Variants in CREM observed in about 807,000 individuals in gnomAD.
The protein encoded by CREM is cAMP-responsive element modulator.
A neutral mutation model predicts 37.3 loss-of-function variants in CREM; 13 were observed. That is an observed-to-expected ratio of 0.35 (90% confidence interval 0.23 to 0.55). CREM has a LOEUF of 0.55. Ranked by LOEUF, CREM falls within the 20% of genes least tolerant of loss-of-function variation. The pLI is 0.88. For missense variants in CREM, 296 were observed against 362.3 expected (o/e 0.82, Z 1.49); for synonymous variants, 124 against 120.2 (o/e 1.03, Z -0.21).
intron 6 of CREM, chr10:35,201,587 A>G: frequency 1.4e-6 from 2 of 1,423,700 alleles, no homozygotes; most frequent in South Asian, 1.3e-5. Context: ...GTTAATGACC[A>G]AAATTGAGAG....
chr10:35,196,682 C>T (rs1464222084), intron 6 of CREM: 1 of 152,152 alleles, frequency 6.6e-6, no homozygotes, highest in Non-Finnish European at 1.5e-5. Flanking sequence ...AACTTAAAAT[C>T]ATCTCAAACA....
At chr10:35,149,939 C>CACACACACACACACACACACACACACA (rs1554890903) in intron 3 of CREM, among the ~76,000 whole-genome samples, 1 of 145,154 alleles carries the variant, frequency 6.9e-6, no homozygotes, top group Non-Finnish European at 1.5e-5. Flanking sequence ...CACACACACA[C>CACACACACACACACACACACACACACA]CCTTGTTAAA....
At chr10:35,193,379 T>A (rs772202467) in intron 6 of CREM, among the ~76,000 whole-genome samples, 1 of 152,318 alleles carries the variant, frequency 6.6e-6, no homozygotes, top group African/African-American at 2.4e-5. Flanking sequence ...CTTGCCTTTT[T>A]TTTCACACCA....
intron 5 of CREM, among the ~76,000 whole-genome samples, chr10:35,185,646 T>C (rs2094526932): frequency 6.6e-6 from 1 of 152,230 alleles, no homozygotes; most frequent in African/African-American, 2.4e-5. Context: ...GGCTGAATCC[T>C]GAGACCCATG....
At chr10:35,133,308 ATTTT>A (rs34244298) in intron 1 of CREM, among the ~76,000 whole-genome samples, 3 of 143,272 alleles carry the variant, frequency 2.1e-5, no homozygotes, top group Non-Finnish European at 3.1e-5. Flanking sequence ...CCAAAAGCAG[ATTTT>A]TTTTTTTTTT....
At position 35,211,434 on chromosome 10, in the gene CREM, G is replaced by A; in HGVS notation, c.*36G>A. On this transcript the variant is annotated 3_prime_UTR_variant, in exon 8 of 8. Transcript: ENST00000685392. Reference sequence around the variant, plus strand: ...CTTGGACCTTGTTTACTCTAATCAAGGCAGGAGATGCAGCAGTCCTACTTA... The same window carrying A: ...CTTGGACCTTGTTTACTCTAATCAAAGCAGGAGATGCAGCAGTCCTACTTA... The A allele has an allele frequency of 6.2e-7, 1 of 1,600,762 alleles. No homozygotes were observed. Among genetic ancestry groups the A allele is most frequent in the Non-Finnish European group, 8.5e-7 (1 of 1,173,320 alleles).
intron 3 of CREM, among the ~76,000 whole-genome samples, chr10:35,162,912 C>A (rs1280326586): frequency 6.6e-6 from 1 of 152,046 alleles, no homozygotes; most frequent in Admixed American, 6.6e-5. Flanking sequence ...AAATCAAATA[C>A]AAAATAATAA....
chr10:35,147,483 A>G lies in CREM; in HGVS notation c.45-885A>G, dbSNP rs190953578. 1.9e-3 allele frequency among the ~76,000 whole-genome samples: 282 copies of G among 152,332 alleles called. 1 individual carries two copies. The highest frequency in any genetic ancestry group is 2.1e-3 in the Non-Finnish European group (140 of 68,028). The stretch of plus-strand genomic sequence containing the variant: ...ACTAACTTAAACTGAATTCATACAC[A>G]AACTTCAAATCACATCAGAAGTTTT... On this transcript the variant is annotated intron_variant, in intron 2 of 7. Coordinates refer to ENST00000685392, the MANE Select transcript of CREM (RefSeq NM_183011.2).
At chr10:35,197,422 T>C (rs980799698) in intron 6 of CREM, among the ~76,000 whole-genome samples, 2 of 116,826 alleles carry the variant, frequency 1.7e-5, no homozygotes, top group Non-Finnish European at 1.7e-5. Context: ...TTTACTTTAT[T>C]TATTTATTTA....
At chr10:35,186,991 TTATATATTATATATAATATAATATATAA>T (rs1276505230) in intron 5 of CREM, among the ~76,000 whole-genome samples, 3 of 89,012 alleles carry the variant, frequency 3.4e-5, no homozygotes, top group African/African-American at 1.4e-4. Context: ...GTGATATATA[TTATATATTATATATAATATAATATATAA>T]TATATATCAC....
intron 3 of CREM, among the ~76,000 whole-genome samples, chr10:35,162,910 T>C (rs1481031775): frequency 6.6e-6 from 1 of 152,028 alleles, no homozygotes; most frequent in African/African-American, 2.4e-5. Flanking sequence ...TAAAATCAAA[T>C]ACAAAATAAT....
chr10:35,195,930 A>T (rs1212033900), intron 6 of CREM: 1 of 797,054 alleles, frequency 1.3e-6, no homozygotes, highest in East Asian at 2.6e-5. Context: ...ATTTAGAGTT[A>T]ACTAGCTCAC....
At chr10:35,179,510 G>A in intron 5 of CREM, 2 of 434,084 alleles carry the variant, frequency 4.6e-6, no homozygotes, top group Non-Finnish European at 3.9e-6. Flanking sequence ...AAAATTTTGG[G>A]GTAAAAAGGA....
chr10:35,185,880 ATCTT>A (rs2094536773), intron 5 of CREM, among the ~76,000 whole-genome samples: 1 of 152,220 alleles, frequency 6.6e-6, no homozygotes. Context: ...ATGTTAATCT[ATCTT>A]CCTGTGTAGA....
Position 35,186,756 on chromosome 10 carries a change from AG to A in CREM, c.410-1443del, listed in dbSNP as rs1475681837. Among the ~76,000 whole-genome samples, 43 of 132,810 alleles carry A rather than the reference AG, an allele frequency of 3.2e-4. No individual in the cohort carries two copies. The East Asian group carries it at 7.9e-3, about 24-fold the overall frequency. The allele number at this position is 132,810 out of a possible 152,430, so 87.1% of individuals were successfully genotyped here. On this transcript the variant is annotated intron_variant, in intron 5 of 7. Coordinates refer to ENST00000685392, the MANE Select transcript of CREM (RefSeq NM_183011.2). ...ATTATATATAGTTATAATTATATAT[AG>A]TTATATATAATATATAACAAATTAT...
At chr10:35,151,045 T>C (rs756177281) in intron 3 of CREM, among the ~76,000 whole-genome samples, 1 of 152,184 alleles carries the variant, frequency 6.6e-6, no homozygotes, top group Non-Finnish European at 1.5e-5. Flanking sequence ...GTTGGAAGTA[T>C]AGACTCTTTT....
At chr10:35,148,590 T>TC in intron 3 of CREM, 99 bp downstream of exon 3, 1 of 1,293,256 alleles carries the variant, frequency 7.7e-7, no homozygotes, top group Non-Finnish European at 1.1e-6. Context: ...TTTTCCATGT[T>TC]CCCTGGTTAT....
chr10:35,185,106 C>CTTT (rs34532646), intron 5 of CREM, among the ~76,000 whole-genome samples: 6 of 135,400 alleles, frequency 4.4e-5, no homozygotes, highest in African/African-American at 1.6e-4. Context: ...CTTTGTACTT[C>CTTT]TTTTTTTTTT....
intron 5 of CREM, among the ~76,000 whole-genome samples, chr10:35,187,507 A>G (rs2094702568): frequency 1.3e-5 from 2 of 151,370 alleles, no homozygotes; most frequent in Admixed American, 1.3e-4. Context: ...TGATCTGCCT[A>G]CCTTGGCCTC....
Sources: allele counts gnomAD v4.1 joint callset (sites outside exome capture counted in the v4.1 genomes callset), GRCh38; gene constraint gnomAD v4.1.1; transcripts MANE v1.5; gene names NCBI Gene and HGNC (gene_info 2026-07-23, HGNC 2026-07-21).